The following RBFOX1 variants were observed in gnomAD, a reference collection of about 807,000 sequenced individuals.
The protein encoded by RBFOX1 is RNA binding protein fox-1 homolog 1.
In RBFOX1, 8 loss-of-function variants were observed where a neutral mutation model predicts 57.7. The ratio of observed to expected loss-of-function variants is 0.14; its 90% confidence interval spans 0.08 to 0.25. The LOEUF (loss-of-function observed/expected upper bound fraction) is 0.25, where lower values mean the gene tolerates loss of function less well. Ranked by LOEUF, RBFOX1 falls within the 10% of genes least tolerant of loss-of-function variation. The pLI is 1.00. For missense variants in RBFOX1, 611 were observed against 548.5 expected (o/e 1.11, Z -1.14); for synonymous variants, 326 against 222.4 (o/e 1.47, Z -4.15).
chr16:6,547,305 A>T (rs1487434987), intron 2 of RBFOX1, among the ~76,000 whole-genome samples: 1 of 152,190 alleles, frequency 6.6e-6, no homozygotes, highest in Non-Finnish European at 1.5e-5. Flanking sequence ...TCACATTCCC[A>T]ACAAATTTCA....
chr16:6,530,465 A>G (rs1282247747), intron 2 of RBFOX1, among the ~76,000 whole-genome samples: 1 of 152,190 alleles, frequency 6.6e-6, no homozygotes, highest in Non-Finnish European at 1.5e-5. Flanking sequence ...TTTGTTGTAA[A>G]TATTCAAATT....
chr16:5,321,072 G>A (rs889377438), intron 1 of RBFOX1, among the ~76,000 whole-genome samples: 3 of 152,156 alleles, frequency 2.0e-5, no homozygotes, highest in Non-Finnish European at 4.4e-5. Flanking sequence ...TGTACTGTTT[G>A]CATCCAAGCA....
At chr16:6,168,442 A>T (rs1167589682) in intron 1 of RBFOX1, among the ~76,000 whole-genome samples, 2 of 152,088 alleles carry the variant, frequency 1.3e-5, no homozygotes. Context: ...GCTCCCAAAG[A>T]TGTTGGTTAT....
chr16:5,537,565 C>T (rs1447644295), intron 2 of RBFOX1, among the ~76,000 whole-genome samples: 1 of 152,158 alleles, frequency 6.6e-6, no homozygotes, highest in African/African-American at 2.4e-5. Context: ...AAATCACTTC[C>T]TTGTGGTTGT....
Position 7,628,654 on chromosome 16 carries a change from C to T in RBFOX1, c.677-1949C>T, listed in dbSNP as rs946430825. ...TGAGATGGAGTTTTGCTCTTGTCAC[C>T]CAGGCTGGAGTGTAATGGCGTGATC... is the stretch of plus-strand genomic sequence containing the variant. On this transcript the variant is annotated intron_variant, in intron 10 of 15. Coordinates refer to ENST00000550418, the MANE Select transcript of RBFOX1 (RefSeq NM_018723.4). Among the ~76,000 whole-genome samples, 6 of 152,172 alleles carry T rather than the reference C, an allele frequency of 3.9e-5. No individual in the cohort carries two copies. In the East Asian group the frequency reaches 1.2e-3, roughly 29 times the overall value.
intron 2 of RBFOX1, among the ~76,000 whole-genome samples, chr16:6,552,786 T>C (rs1334561511): frequency 1.3e-5 from 2 of 151,978 alleles, no homozygotes; most frequent in Admixed American, 1.3e-4. Context: ...ACACATACAA[T>C]TATATGTGGT....
At chr16:5,891,075 G>A (rs1019768440) in intron 4 of RBFOX1, among the ~76,000 whole-genome samples, 3 of 152,182 alleles carry the variant, frequency 2.0e-5, no homozygotes, top group Non-Finnish European at 2.9e-5. Flanking sequence ...AGGAAGACTT[G>A]ATACTTGTCA....
At chr16:6,930,118 C>T (rs893854467) in intron 3 of RBFOX1, among the ~76,000 whole-genome samples, 6 of 152,292 alleles carry the variant, frequency 3.9e-5, no homozygotes, top group East Asian at 1.9e-4. Context: ...TGAGAAGCTC[C>T]ATGTGAGCCC....
At position 7,364,052 on chromosome 16, in the gene RBFOX1, C is replaced by G. The variant is rs146885298; in HGVS notation, c.28-154095C>G. Among the ~76,000 whole-genome samples the G allele has an allele frequency of 3.1e-4, 47 of 152,312 alleles. 1 individual carries two copies. Among genetic ancestry groups the G allele is most frequent in the African/African-American group, 1.1e-3 (47 of 41,558 alleles). ...ATGGAAAAGTAGAACAGCCAGTCAG[C>G]TTTGGGACTCCCAAGTCCTATTAAA... On this transcript the variant is annotated intron_variant, in intron 4 of 15. Coordinates refer to ENST00000550418, the MANE Select transcript of RBFOX1 (RefSeq NM_018723.4).
intron 4 of RBFOX1, among the ~76,000 whole-genome samples, chr16:6,005,216 G>A (rs1484406996): frequency 1.3e-5 from 2 of 152,188 alleles, no homozygotes; most frequent in Admixed American, 6.5e-5. Flanking sequence ...TTCGTGGAAA[G>A]AGGGGAAAAA....
At chr16:5,471,472 C>A (rs1323539074) in intron 2 of RBFOX1, among the ~76,000 whole-genome samples, 3 of 152,170 alleles carry the variant, frequency 2.0e-5, no homozygotes, top group Non-Finnish European at 4.4e-5. Context: ...ATCCAGGTCC[C>A]TACCATTGCT....
intron 2 of RBFOX1, among the ~76,000 whole-genome samples, chr16:6,529,033 C>T (rs558589372): frequency 1.1e-4 from 17 of 152,244 alleles, no homozygotes; most frequent in Non-Finnish European, 1.9e-4. Context: ...GCATTTTACT[C>T]AATACCTAAT....
chr16:7,578,038 A>T (rs1467663240), intron 5 of RBFOX1, among the ~76,000 whole-genome samples: 2 of 152,270 alleles, frequency 1.3e-5, no homozygotes, highest in African/African-American at 4.8e-5. Context: ...CTCAGTAAAG[A>T]TGTGTAAACA....
intron 3 of RBFOX1, among the ~76,000 whole-genome samples, chr16:5,771,663 C>T (rs749911439): frequency 6.6e-5 from 10 of 152,184 alleles, no homozygotes; most frequent in Non-Finnish European, 1.5e-4. Context: ...ACTGCTTCGG[C>T]CTCCCAGAGT....
At chr16:5,656,085 A>G (rs537099329) in intron 3 of RBFOX1, among the ~76,000 whole-genome samples, 5 of 152,358 alleles carry the variant, frequency 3.3e-5, no homozygotes, top group Admixed American at 2.6e-4. Flanking sequence ...AATAATATTA[A>G]TTATTACCAA....
At chr16:7,245,743 T>C (rs1422525575) in intron 4 of RBFOX1, among the ~76,000 whole-genome samples, 1 of 152,182 alleles carries the variant, frequency 6.6e-6, no homozygotes, top group Non-Finnish European at 1.5e-5. Context: ...GTAGCTTTTT[T>C]GAAAAAAGAA....
chr16:7,578,239 T>G (rs2093483694), intron 5 of RBFOX1, among the ~76,000 whole-genome samples: 1 of 152,244 alleles, frequency 6.6e-6, no homozygotes, highest in South Asian at 2.1e-4. Context: ...TATGAACTCA[T>G]TATTCTTTAT....
chr16:6,283,733 C>G (rs926334135), intron 1 of RBFOX1, among the ~76,000 whole-genome samples: 1 of 152,178 alleles, frequency 6.6e-6, no homozygotes, highest in African/African-American at 2.4e-5. Context: ...ATACCCGCAG[C>G]TACTTTTGTT....
At chr16:5,424,285 A>G (rs2067445285) in intron 1 of RBFOX1, among the ~76,000 whole-genome samples, 1 of 152,224 alleles carries the variant, frequency 6.6e-6, no homozygotes, top group Non-Finnish European at 1.5e-5. Context: ...CGTGTTTATT[A>G]TAACTTGCCC....
Sources: allele counts gnomAD v4.1 joint callset (sites outside exome capture counted in the v4.1 genomes callset), GRCh38; gene constraint gnomAD v4.1.1; transcripts MANE v1.5; gene names NCBI Gene and HGNC (gene_info 2026-07-23, HGNC 2026-07-21).